Variants in SNTG1 observed in about 807,000 individuals in gnomAD.
The protein encoded by SNTG1 is gamma-1-syntrophin.
SNTG1 carries 39 observed loss-of-function variants against 74.7 expected under a neutral mutation model. The ratio of observed to expected loss-of-function variants is 0.52; its 90% CI spans 0.40 to 0.68. The LOEUF (loss-of-function observed/expected upper bound fraction) is 0.68. Ranked by LOEUF, SNTG1 falls within the 30% of genes least tolerant of loss-of-function variation. SNTG1 has a pLI of 0.00. For missense variants in SNTG1, 685 were observed against 609.5 expected, an observed-to-expected ratio of 1.12 and a Z score of -1.30; for synonymous variants, 254 against 217.1, an observed-to-expected ratio of 1.17 and a Z score of -1.49.
chr8:50,487,992 G>C lies in SNTG1; in HGVS notation c.364-14786G>C, dbSNP rs941963743. ...TGAGTTAATTTAAACTATGCTTCTG[G>C]ATCTCAAAAGAAAATATACACAAGT... On this transcript the variant is annotated intron_variant, in intron 8 of 18. Transcript: ENST00000642720. Among the ~76,000 whole-genome samples the C allele has an allele frequency of 2.0e-5, 3 of 152,202 alleles. No homozygotes were observed. The South Asian group carries it at 6.2e-4, about 32-fold the overall frequency.
chr8:49,970,127 T>A (rs1330362589), intron 1 of SNTG1, among the ~76,000 whole-genome samples: 1 of 152,174 alleles, frequency 6.6e-6, no homozygotes, highest in Non-Finnish European at 1.5e-5. Flanking sequence ...GGCCTCTTAC[T>A]GCTAAAGGGT....
At chr8:50,745,855 G>A (rs10958080) in intron 17 of SNTG1, among the ~76,000 whole-genome samples, 63,153 of 151,710 alleles carry the variant, frequency 0.42, 15,587 homozygotes, top group African/African-American at 0.69. Context: ...AATAAAGGGT[G>A]CCTGGGGCAG....
At chr8:50,500,485 T>C (rs2093942301) in intron 8 of SNTG1, among the ~76,000 whole-genome samples, 1 of 152,164 alleles carries the variant, frequency 6.6e-6, no homozygotes, top group Admixed American at 6.5e-5. Flanking sequence ...TTTTTGTTGA[T>C]TGCTTCAAAA....
At chr8:50,160,300 T>C (rs566599305) in intron 1 of SNTG1, among the ~76,000 whole-genome samples, 3 of 152,192 alleles carry the variant, frequency 2.0e-5, no homozygotes, top group Non-Finnish European at 4.4e-5. Flanking sequence ...ATATCTGAAA[T>C]TTTTGTGTTA....
intron 15 of SNTG1, among the ~76,000 whole-genome samples, chr8:50,686,120 A>G (rs2095351552): frequency 3.3e-5 from 5 of 152,158 alleles, no homozygotes; most frequent in Admixed American, 2.6e-4. Context: ...TAATATGTTC[A>G]AGTCACTTTT....
intron 2 of SNTG1, among the ~76,000 whole-genome samples, chr8:50,281,637 A>G (rs922726616): frequency 6.6e-6 from 1 of 152,202 alleles, no homozygotes; most frequent in Admixed American, 6.5e-5. Flanking sequence ...AATCCAGTTT[A>G]CTTTATGGAT....
At chr8:50,418,388 T>G (rs1349684634) in intron 4 of SNTG1, among the ~76,000 whole-genome samples, 2 of 152,122 alleles carry the variant, frequency 1.3e-5, no homozygotes, top group African/African-American at 4.8e-5. Context: ...TCTAAGCAAC[T>G]TAGAGATCTC....
intron 1 of SNTG1, among the ~76,000 whole-genome samples, chr8:50,070,427 G>T (rs1447058681): frequency 6.6e-6 from 1 of 152,090 alleles, no homozygotes; most frequent in African/African-American, 2.4e-5. Context: ...GTTTATTCTT[G>T]TGAACAGATG....
At chr8:50,787,835 T>C (rs2095680035) in intron 18 of SNTG1, among the ~76,000 whole-genome samples, 1 of 152,054 alleles carries the variant, frequency 6.6e-6, no homozygotes, top group South Asian at 2.1e-4. Flanking sequence ...TATCAGGCTC[T>C]GAAGAGAGAG....
chr8:50,462,030 C>T (rs2093567776), intron 8 of SNTG1, among the ~76,000 whole-genome samples: 1 of 152,084 alleles, frequency 6.6e-6, no homozygotes, highest in Non-Finnish European at 1.5e-5. Flanking sequence ...TAAAAGACCA[C>T]ATATTCGGTA....
intron 2 of SNTG1, among the ~76,000 whole-genome samples, chr8:50,342,161 T>TC (rs1320698713): frequency 2.6e-5 from 4 of 152,074 alleles, no homozygotes; most frequent in African/African-American, 9.7e-5. Context: ...AAAAGGCAAT[T>TC]TTTTTCCTTC....
intron 11 of SNTG1, among the ~76,000 whole-genome samples, chr8:50,544,345 A>G (rs1427055963): frequency 1.3e-5 from 2 of 151,938 alleles, no homozygotes; most frequent in African/African-American, 2.4e-5. Context: ...TTAAAATCGT[A>G]TGTTAGATAT....
At chr8:50,156,202 G>A (rs556840494) in intron 1 of SNTG1, among the ~76,000 whole-genome samples, 1 of 152,044 alleles carries the variant, frequency 6.6e-6, no homozygotes, top group East Asian at 1.9e-4. Flanking sequence ...TAAAACTCAG[G>A]AAACAATTAT....
At chr8:50,193,861 C>T (rs894179414) in intron 2 of SNTG1, among the ~76,000 whole-genome samples, 1 of 152,026 alleles carries the variant, frequency 6.6e-6, no homozygotes, top group Non-Finnish European at 1.5e-5. Context: ...GCTGATTTTG[C>T]TGAGAGTTTT....
At chr8:50,502,623 T>A (rs1423337135) in intron 8 of SNTG1, among the ~76,000 whole-genome samples, 155 bp from the exon 9 acceptor site, 1 of 152,170 alleles carries the variant, frequency 6.6e-6, no homozygotes, top group Non-Finnish European at 1.5e-5. Context: ...CTTACTGCAA[T>A]GATAAATAAT....
intron 2 of SNTG1, among the ~76,000 whole-genome samples, chr8:50,266,635 GAC>G (rs2087480409): frequency 7.1e-6 from 1 of 141,086 alleles, no homozygotes; most frequent in African/African-American, 2.6e-5. Context: ...AGAAGTGAAA[GAC>G]ACAGAATTAT....
At chr8:50,293,060 A>G (rs549141320) in intron 2 of SNTG1, among the ~76,000 whole-genome samples, 3 of 152,276 alleles carry the variant, frequency 2.0e-5, no homozygotes, top group African/African-American at 7.2e-5. Context: ...GTGTTCATAC[A>G]AAGTGTTTCC....
chr8:50,546,930 C>T (rs2094392338), intron 11 of SNTG1, among the ~76,000 whole-genome samples: 1 of 152,044 alleles, frequency 6.6e-6, no homozygotes, highest in Non-Finnish European at 1.5e-5. Context: ...TACAGGTGCC[C>T]ACAACCATGC....
chr8:50,621,206 C>T (rs1426077689), intron 13 of SNTG1, among the ~76,000 whole-genome samples: 1 of 151,938 alleles, frequency 6.6e-6, no homozygotes, highest in African/African-American at 2.4e-5. Flanking sequence ...TGAGATGCCA[C>T]ACTGGTCCTA....
Sources: gnomAD v4.1 joint callset for allele counts (sites outside exome capture counted in the v4.1 genomes callset) on GRCh38, gnomAD v4.1.1 for gene constraint, MANE v1.5 for transcripts, NCBI Gene and HGNC (gene_info 2026-07-23, HGNC 2026-07-21) for gene names.